MYH9: variants seen among roughly 807,000 people sequenced by gnomAD.
The protein encoded by MYH9 is myosin heavy chain 9, also known as myosin-9.
Under a neutral mutation model 241.9 loss-of-function variants are expected in MYH9, and 29 were observed. The observed-to-expected ratio is 0.12, with a 90% confidence interval of 0.09 to 0.16. The LOEUF is 0.16. MYH9 is among the 10% of genes least tolerant of loss of function. The pLI is 1.00. For missense variants in MYH9, 1,803 were observed against 2,595.5 expected (o/e 0.69, Z 6.63); for synonymous variants, 1,047 against 1,062.6 (o/e 0.99, Z 0.29).
chr22:36,350,779 G>C (rs999932218), intron 1 of MYH9, among the ~76,000 whole-genome samples: 2 of 152,154 alleles, frequency 1.3e-5, no homozygotes, highest in African/African-American at 4.8e-5. Flanking sequence ...CGTTATTCCT[G>C]CTCAGAGGCG....
chr22:36,322,847 C>T (rs983827883), intron 5 of MYH9, among the ~76,000 whole-genome samples: 35 of 152,226 alleles, frequency 2.3e-4, no homozygotes, highest in Admixed American at 2.6e-4. Flanking sequence ...ACTAGGGAGC[C>T]GGCGGCACAG....
chr22:36,286,607 C>T, intron 35 of MYH9, 111 bp downstream of exon 35: 1 of 1,497,972 alleles, frequency 6.7e-7, no homozygotes, highest in Non-Finnish European at 9.2e-7. Flanking sequence ...CCATCCCCAG[C>T]CAATTCCTGG....
intron 15 of MYH9, among the ~76,000 whole-genome samples, chr22:36,307,756 C>T (rs901794494): frequency 1.3e-5 from 2 of 151,992 alleles, no homozygotes; most frequent in Non-Finnish European, 2.9e-5. Context: ...GGCGTGGTGG[C>T]GGGTGCCTGT....
chr22:36,284,831 C>CA (rs1421039562), intron 38 of MYH9, among the ~76,000 whole-genome samples: 1 of 152,192 alleles, frequency 6.6e-6, no homozygotes, highest in African/African-American at 2.4e-5. Flanking sequence ...GCCCATAGGA[C>CA]AACTGTCCTA....
chr22:36,369,350 G>A (rs747229431), intron 1 of MYH9, among the ~76,000 whole-genome samples: 9 of 152,198 alleles, frequency 5.9e-5, no homozygotes, highest in African/African-American at 9.7e-5. Flanking sequence ...ATGATGAGGC[G>A]TTTTTCATGA....
intron 23 of MYH9, among the ~76,000 whole-genome samples, chr22:36,299,457 G>A (rs1178579687): frequency 2.6e-5 from 4 of 152,278 alleles, no homozygotes; most frequent in Admixed American, 6.5e-5. Flanking sequence ...CTTCAGCCCC[G>A]CGGTGCCCCG....
At chr22:36,311,775 C>A (rs569481972) in intron 14 of MYH9, among the ~76,000 whole-genome samples, 2 of 152,374 alleles carry the variant, frequency 1.3e-5, no homozygotes, top group South Asian at 4.1e-4. Flanking sequence ...ACCTGGCAGA[C>A]AGGCCCAACG....
chr22:36,281,799 G>A lies in MYH9; in HGVS notation c.*869C>T, dbSNP rs946435585. ...CCAGTCCTAGAGTAGACACAAGATC[G>A]CCTGGGAGGGCCGCTGGCCCCTCTA... On this transcript the variant is annotated 3_prime_UTR_variant, in exon 41 of 41. Transcript: ENST00000216181. 16 of 231,116 alleles carry A rather than the reference G, an allele frequency of 6.9e-5. No individual in the cohort carries two copies. The highest frequency in any genetic ancestry group is 1.0e-4 in the Non-Finnish European group (12 of 116,504). The allele number at this position is 231,116 out of a possible 1,614,324, so 14.3% of individuals were successfully genotyped here.
rs527270824 is a variant in MYH9, at chr22:36,311,933, G to A, written c.1728+116C>T. ...CTGGGTGAGTCATTGTGCAAGAACC[G>A]TACTCAGGTCACACCCCTGCGTCCC... On this transcript the variant is annotated intron_variant, in intron 14 of 40. Coordinates refer to ENST00000216181, the MANE Select transcript of MYH9 (RefSeq NM_002473.6). The A allele has an allele frequency of 2.0e-5, 24 of 1,222,082 alleles. No homozygotes were observed. In the East Asian group the frequency reaches 4.0e-4, roughly 20 times the overall value. 75.7% of individuals were successfully genotyped at this position (1,222,082 alleles called of 1,614,324 possible). A position where few individuals can be genotyped will look rare whatever the true frequency, so the allele number is the denominator to read the frequency against.
chr22:36,387,001 C>T (rs1452193115), intron 1 of MYH9, among the ~76,000 whole-genome samples: 3 of 152,258 alleles, frequency 2.0e-5, no homozygotes, highest in African/African-American at 7.2e-5. Context: ...GCGGTGGAAT[C>T]AGGTGCACGC....
chr22:36,366,113 G>C (rs2018006271), intron 1 of MYH9, among the ~76,000 whole-genome samples: 1 of 152,092 alleles, frequency 6.6e-6, no homozygotes, highest in Non-Finnish European at 1.5e-5. Flanking sequence ...ACTTGAACCT[G>C]GGAGGCAGAA....
At chr22:36,384,606 AAAAAAATATATATATATATATATATAT>A (rs2018314478) in intron 1 of MYH9, among the ~76,000 whole-genome samples, 1 of 34,820 alleles carries the variant, frequency 2.9e-5, no homozygotes, top group African/African-American at 9.7e-5. Context: ...AAAAAAAAAA[AAAAAAATATATATATATATATATATAT>A]ATATATATAT....
At chr22:36,341,999 C>T (rs1297977650) in intron 2 of MYH9, among the ~76,000 whole-genome samples, 3 of 152,248 alleles carry the variant, frequency 2.0e-5, no homozygotes, top group East Asian at 3.8e-4. Flanking sequence ...ACCTTTCTAG[C>T]ACTGGAAAAA....
rs762773112 is a variant in MYH9, at chr22:36,285,158, T to C, written c.5446A>G (p.Ile1816Val). The C allele has an allele frequency of 5.0e-6, 8 of 1,613,992 alleles. No individual in the cohort carries two copies. The East Asian group carries it at 1.8e-4, about 36-fold the overall frequency. Residue 1816 changes from isoleucine (I) to valine (V), a missense_variant, in exon 38 of 41, where the codon ATT becomes GTT. This residue lies in a region of MYH9 where 876 missense variants were observed against 1,077.8 expected (regional missense o/e 0.81). Transcript: ENST00000216181. This position sits in a 1 kb window ranked among gnomAD's most constrained non-coding sequence, Gnocchi z 7.0. ...TCCAGCTGCTCCTCCAGCTGTGCAA[T>C]CTTGGCCTCGAGGGCGGTGATGGAG... ...KASITALEAK[I>V]AQLEEQLDNE...
intron 1 of MYH9, among the ~76,000 whole-genome samples, chr22:36,358,285 G>A (rs545560780): frequency 8.5e-5 from 13 of 152,256 alleles, no homozygotes; most frequent in African/African-American, 2.4e-4. Flanking sequence ...GGCTGGTCTC[G>A]AACTCCTGAG....
chr22:36,293,737 G>A lies in MYH9; in HGVS notation c.3942+22C>T. On this transcript the variant is annotated intron_variant, in intron 29 of 40. Coordinates refer to ENST00000216181, the MANE Select transcript of MYH9 (RefSeq NM_002473.6). The surrounding 1 kb of genome is among the most constrained non-coding windows in gnomAD (Gnocchi z 5.1). ...GCCTTTCTGGAGGGGTCCACCTTCT[G>A]GGAACCTGGCGCCACCCCTACCTGA... 1 of 1,607,594 alleles carries A rather than the reference G, an allele frequency of 6.2e-7. No individual in the cohort carries two copies.
Position 36,341,297 on chromosome 22 carries a change from A to G in MYH9, c.490+73T>C, listed in dbSNP as rs1273859747. ...ATCAATGTGGCACCAAATGTGACTT[A>G]GCACCTGCAAAGGTGTCAATGAGGC... On this transcript the variant is annotated intron_variant, in intron 3 of 40. Coordinates refer to ENST00000216181, the MANE Select transcript of MYH9 (RefSeq NM_002473.6). 3.2e-6 allele frequency: 5 copies of G among 1,581,008 alleles called. No individual in the cohort carries two copies. The East Asian group carries it at 1.1e-4, about 35-fold the overall frequency.
intron 2 of MYH9, among the ~76,000 whole-genome samples, chr22:36,342,530 T>C (rs1168176371): frequency 6.6e-6 from 1 of 152,152 alleles, no homozygotes; most frequent in Non-Finnish European, 1.5e-5. Context: ...ACCTTGTGAC[T>C]ACCTCCGTGT....
At chr22:36,349,764 C>T (rs1000969760) in intron 1 of MYH9, among the ~76,000 whole-genome samples, 3 of 152,104 alleles carry the variant, frequency 2.0e-5, no homozygotes, top group Non-Finnish European at 4.4e-5. Context: ...TAAGGTGTAT[C>T]GCCCTAGGGT....
Sources: allele counts gnomAD v4.1 joint callset (sites outside exome capture counted in the v4.1 genomes callset), GRCh38; gene constraint gnomAD v4.1.1; regional missense constraint gnomAD v4.1.1; non-coding constraint Gnocchi (gnomAD v3.1); transcripts MANE v1.5; gene names NCBI Gene and HGNC (gene_info 2026-07-23, HGNC 2026-07-21).